Variants in SYNE1 observed in about 807,000 individuals in gnomAD.
SYNE1 encodes spectrin repeat containing nuclear envelope protein 1, also known as nesprin-1.
SYNE1 carries 616 observed loss-of-function variants against 1,111.0 expected under a neutral mutation model. That is an observed-to-expected ratio of 0.55 (90% CI 0.52 to 0.59). SYNE1 has a LOEUF of 0.59. Ranked by LOEUF, SYNE1 falls within the 20% of genes least tolerant of loss-of-function variation. The pLI, the probability that SYNE1 is intolerant of heterozygous loss-of-function variation, is 0.00. For synonymous variants in SYNE1, 3,855 were observed against 3,825.8 expected, an observed-to-expected ratio of 1.01 and a Z score of -0.28; for missense variants, 10,006 against 10,417.0, an observed-to-expected ratio of 0.96 and a Z score of 1.72.
At chr6:152,204,780 T>C (rs2076179050) in intron 126 of SYNE1, among the ~76,000 whole-genome samples, 1 of 152,174 alleles carries the variant, frequency 6.6e-6, no homozygotes, top group African/African-American at 2.4e-5. Context: ...CAAATATCTA[T>C]TAAAGTGGAT....
chr6:152,365,947 C>G (rs1426616405), intron 62 of SYNE1, among the ~76,000 whole-genome samples: 1 of 152,208 alleles, frequency 6.6e-6, no homozygotes, highest in Non-Finnish European at 1.5e-5. Context: ...GTTCTTTCCT[C>G]TGGCTGTTCC....
intron 87 of SYNE1, among the ~76,000 whole-genome samples, chr6:152,312,544 A>G (rs1191438967): frequency 6.7e-6 from 1 of 149,152 alleles, no homozygotes; most frequent in African/African-American, 2.4e-5. Flanking sequence ...ACATAAATAT[A>G]TATAGTAAGG....
intron 11 of SYNE1, among the ~76,000 whole-genome samples, chr6:152,489,955 T>C (rs2098961599): frequency 1.3e-5 from 2 of 152,226 alleles, no homozygotes; most frequent in South Asian, 2.1e-4. Context: ...GAATCATATA[T>C]TGAGAACACT....
intron 130 of SYNE1, among the ~76,000 whole-genome samples, chr6:152,173,025 C>G (rs1053509586): frequency 1.3e-5 from 2 of 152,312 alleles, no homozygotes; most frequent in Admixed American, 1.3e-4. Flanking sequence ...TGCTGTATTA[C>G]ATACAGCAGA....
At chr6:152,520,636 G>A (rs760530703) in intron 5 of SYNE1, 94 bp from the exon 6 acceptor site, 25 of 1,394,042 alleles carry the variant, frequency 1.8e-5, no homozygotes, top group Non-Finnish European at 2.5e-5. Context: ...AAATATACTT[G>A]AAGAATATTC....
intron 3 of SYNE1, among the ~76,000 whole-genome samples, chr6:152,583,089 C>A (rs2099525901): frequency 6.6e-6 from 1 of 152,062 alleles, no homozygotes; most frequent in South Asian, 2.1e-4. Context: ...TTGACAAAGA[C>A]CAATAAATAA....
intron 22 of SYNE1, chr6:152,456,585 T>TA (rs1364485902): frequency 6.6e-6 from 2 of 303,740 alleles, no homozygotes; most frequent in African/African-American, 2.2e-5. Context: ...CAGATCCTAA[T>TA]AAAAAAAGGC....
At position 152,300,760 on chromosome 6, in the gene SYNE1, T is replaced by C. The variant is rs1161321370; in HGVS notation, c.17563A>G (p.Thr5855Ala). ...VVMMTAGRCH[T>A]LLSPVTEESG... Reference sequence around the variant, plus strand: ...TCCTCAGTGACCGGTGACAGCAAAGTGTGACAGCGACCTGCAGTCATCTGC... The same window carrying C: ...TCCTCAGTGACCGGTGACAGCAAAGCGTGACAGCGACCTGCAGTCATCTGC... Residue 5855 changes from threonine (T) to alanine (A), a missense_variant, in exon 93 of 146, where the codon ACT (threonine) becomes GCT (alanine). Around this residue, in one of 7 missense-constraint regions of SYNE1, gnomAD observed 4,955 missense variants for 5,017.2 expected, o/e 0.99. Transcript: ENST00000367255. 2 of 1,614,224 alleles carry C rather than the reference T, an allele frequency of 1.2e-6. No homozygotes were observed. Among genetic ancestry groups the C allele is most frequent in the Admixed American group, 1.7e-5 (1 of 60,028 alleles).
At chr6:152,351,990 A>G in intron 70 of SYNE1, 37 bp downstream of exon 70, 1 of 1,600,574 alleles carries the variant, frequency 6.2e-7, no homozygotes, top group South Asian at 1.1e-5. Flanking sequence ...TCTCTGTGTG[A>G]CCTCTGCATG....
rs771334693 is a variant in SYNE1, at chr6:152,122,475, G to A, written c.26355C>T (p.His8785=). The A allele has an allele frequency of 8.5e-5, 138 of 1,614,088 alleles. 5 individuals carry two copies. In the South Asian group the frequency reaches 1.4e-3, roughly 17 times the overall value. The change falls in exon 146 of 146, where the codon CAC becomes CAT. Residue 8785 remains histidine, a synonymous_variant. Coordinates refer to ENST00000367255, the MANE Select transcript of SYNE1 (RefSeq NM_182961.4). ...GGCCATTCGTGTATCTGAGCATGGG[G>A]TGGAATGACCGGGCAAAGTTGTTGG... ...ALSNNFARSF[H]PMLRYTNGPP...
At position 152,412,969 on chromosome 6, in the gene SYNE1, G is replaced by A. The variant is rs190049988; in HGVS notation, c.6230+383C>T. 5.3e-3 allele frequency among the ~76,000 whole-genome samples: 800 copies of A among 150,496 alleles called. 1 individual carries two copies. The highest frequency in any genetic ancestry group is 7.8e-3 in the Non-Finnish European group (528 of 67,784). Reference sequence around the variant, plus strand: ...AGGGTTCAAGTGATTCTCCTGCCTCGGCCTCCCAAGTAGCTGGCATTACAG... The same window carrying A: ...AGGGTTCAAGTGATTCTCCTGCCTCAGCCTCCCAAGTAGCTGGCATTACAG... On this transcript the variant is annotated intron_variant, in intron 42 of 145. Transcript: ENST00000367255.
intron 29 of SYNE1, among the ~76,000 whole-genome samples, chr6:152,446,108 ATTTTT>A (rs11351100): frequency 7.7e-6 from 1 of 129,498 alleles, no homozygotes; most frequent in Non-Finnish European, 1.6e-5. Flanking sequence ...AAGACAGTCA[ATTTTT>A]TTTTTTTTTT....
intron 93 of SYNE1, among the ~76,000 whole-genome samples, chr6:152,298,825 T>C (rs1011304845): frequency 2.0e-5 from 3 of 152,234 alleles, no homozygotes; most frequent in African/African-American, 7.2e-5. Flanking sequence ...GGGGTTGATT[T>C]GTTTGATGAA....
chr6:152,201,778 G>C (rs374406307), intron 127 of SYNE1, 46 bp downstream of exon 127: 36 of 1,613,486 alleles, frequency 2.2e-5, no homozygotes, highest in Middle Eastern at 1.6e-4. Context: ...AGACATTCCA[G>C]CAGAGGCACA....
intron 11 of SYNE1, among the ~76,000 whole-genome samples, chr6:152,495,950 A>T (rs1239379991): frequency 1.3e-5 from 2 of 152,246 alleles, no homozygotes; most frequent in Non-Finnish European, 2.9e-5. Context: ...TTTGTGGCAC[A>T]GAAACTTCAT....
chr6:152,357,782 G>C (rs535602034), intron 66 of SYNE1, among the ~76,000 whole-genome samples: 93 of 152,252 alleles, frequency 6.1e-4, no homozygotes, highest in African/African-American at 2.2e-3. Context: ...TAAGTATCCA[G>C]TAAATACTGA....
chr6:152,336,743 A>C, intron 76 of SYNE1, 98 bp downstream of exon 76: 1 of 1,440,364 alleles, frequency 6.9e-7, no homozygotes, highest in Non-Finnish European at 9.7e-7. Flanking sequence ...AAGGATTGAC[A>C]GACACTCAGG....
At position 152,371,917 on chromosome 6, in the gene SYNE1, G is replaced by GGAAAGGAAA. The variant is rs1462648990; in HGVS notation, c.9507+1119_9507+1120insTTTCCTTTC. ...GGAAAGGAAAGGAAAGGAAAGGAAA[G>GGAAAGGAAA]GAAAGGACAGGACAGGACAGGAAAG... On this transcript the variant is annotated intron_variant, in intron 59 of 145. Coordinates refer to ENST00000367255, the MANE Select transcript of SYNE1 (RefSeq NM_182961.4). Among the ~76,000 whole-genome samples the GGAAAGGAAA allele has an allele frequency of 3.2e-5, 2 of 62,502 alleles. 1 individual carries two copies. The highest frequency in any genetic ancestry group is 9.9e-5 in the African/African-American group (2 of 20,234). 41.0% of individuals were successfully genotyped at this position (62,502 alleles called of 152,430 possible).
At chr6:152,494,389 C>A (rs1050292487) in intron 11 of SYNE1, among the ~76,000 whole-genome samples, 4 of 152,184 alleles carry the variant, frequency 2.6e-5, no homozygotes, top group African/African-American at 9.7e-5. Context: ...CTCTGATCCA[C>A]CTGGCATTCA....
Sources: allele counts gnomAD v4.1 joint callset (sites outside exome capture counted in the v4.1 genomes callset), GRCh38; gene constraint gnomAD v4.1.1; regional missense constraint gnomAD v4.1.1; transcripts MANE v1.5; gene names NCBI Gene and HGNC (gene_info 2026-07-23, HGNC 2026-07-21).